Variants in RNF24 observed in about 807,000 individuals in gnomAD.
RNF24 encodes ring finger protein 24.
A neutral mutation model predicts 20.0 loss-of-function variants in RNF24; 14 were observed. That is an observed-to-expected ratio of 0.70 (90% confidence interval 0.46 to 1.10). RNF24 has a LOEUF of 1.10. RNF24 is among the 50% of genes least tolerant of loss of function. The probability of loss-of-function intolerance (pLI) is 0.00; values close to 1 mark genes in which losing one functional copy is unlikely to be tolerated. For synonymous variants in RNF24, 45 were observed against 61.1 expected (o/e 0.74, Z 1.23); for missense variants, 124 against 177.6 (o/e 0.70, Z 1.71).
intron 1 of RNF24, among the ~76,000 whole-genome samples, chr20:3,993,650 T>A (rs1980636024): frequency 2.0e-5 from 3 of 152,156 alleles, no homozygotes; most frequent in Admixed American, 2.0e-4. Context: ...TGGACCTTGA[T>A]AAGCCTGGAC....
At chr20:3,982,103 G>GTCTCTCTTTCTCTCTCTCTC (rs1555799857) in intron 1 of RNF24, among the ~76,000 whole-genome samples, 6 of 137,026 alleles carry the variant, frequency 4.4e-5, no homozygotes, top group African/African-American at 1.7e-4. Context: ...GTGAGACCTC[G>GTCTCTCTTTCTCTCTCTCTC]TCTCTCTCTC....
At chr20:3,973,517 AAAAAAAAAG>A (rs1213354445) in intron 1 of RNF24, among the ~76,000 whole-genome samples, 3 of 150,632 alleles carry the variant, frequency 2.0e-5, no homozygotes, top group African/African-American at 4.8e-5. Flanking sequence ...AAAAAAAAAA[AAAAAAAAAG>A]AGAAGACACA....
intron 2 of RNF24, among the ~76,000 whole-genome samples, chr20:3,962,687 T>C (rs902985333): frequency 4.0e-5 from 6 of 151,630 alleles, no homozygotes; most frequent in African/African-American, 1.2e-4. Flanking sequence ...TATATCCCAT[T>C]GTCCTAGAAC....
At chr20:3,953,355 A>G (rs1013024984) in intron 2 of RNF24, among the ~76,000 whole-genome samples, 2 of 148,692 alleles carry the variant, frequency 1.3e-5, no homozygotes, top group East Asian at 2.0e-4. Flanking sequence ...AGGTTTCACC[A>G]TATTAGCCAG....
intron 2 of RNF24, among the ~76,000 whole-genome samples, chr20:3,962,124 G>A (rs1401359699): frequency 1.3e-5 from 2 of 152,066 alleles, no homozygotes; most frequent in South Asian, 2.1e-4. Context: ...AGGTTGAGGC[G>A]GGTGGATTGC....
chr20:3,982,112 T>G (rs954253895), intron 1 of RNF24, among the ~76,000 whole-genome samples: 1 of 149,314 alleles, frequency 6.7e-6, no homozygotes, highest in Non-Finnish European at 1.5e-5. Flanking sequence ...CGTCTCTCTC[T>G]CTCTCTCTCT....
chr20:4,005,915 A>T (rs748982679), intron 1 of RNF24, among the ~76,000 whole-genome samples: 24 of 152,222 alleles, frequency 1.6e-4, no homozygotes, highest in Non-Finnish European at 3.1e-4. Flanking sequence ...TTCTTACAGT[A>T]TGATATTTGC....
At position 3,932,794 on chromosome 20, in the gene RNF24, A is replaced by G; in HGVS notation, c.*1269T>C. The stretch of plus-strand genomic sequence containing the variant: ...TTCCATCTGACCTGCTACTTTCCAT[A>G]GCTAATTTATACAATATTCACAAAT... On this transcript the variant is annotated 3_prime_UTR_variant, in exon 6 of 6. Coordinates refer to ENST00000358395, the MANE Select transcript of RNF24 (RefSeq NM_001134337.3). The G allele has an allele frequency of 2.5e-6, 1 of 397,718 alleles. No homozygotes were observed. Among genetic ancestry groups the G allele is most frequent in the Non-Finnish European group, 4.4e-6 (1 of 225,994 alleles). 24.6% of individuals were successfully genotyped at this position (397,718 alleles called of 1,614,324 possible). A position where few individuals can be genotyped will look rare whatever the true frequency, so the allele number is the denominator to read the frequency against.
chr20:3,968,907 A>G (rs1289627181), intron 1 of RNF24, among the ~76,000 whole-genome samples: 3 of 146,158 alleles, frequency 2.1e-5, no homozygotes, highest in African/African-American at 7.7e-5. Context: ...TAAGTTTCCA[A>G]AAAAAAAAAG....
chr20:3,935,776 T>C (rs771198660), intron 4 of RNF24, among the ~76,000 whole-genome samples: 1 of 152,236 alleles, frequency 6.6e-6, no homozygotes, highest in Admixed American at 6.5e-5. Flanking sequence ...GTGGATACCA[T>C]GTGTCACCAC....
intron 1 of RNF24, among the ~76,000 whole-genome samples, chr20:3,997,614 T>C (rs1477508465): frequency 6.6e-6 from 1 of 151,924 alleles, no homozygotes; most frequent in East Asian, 1.9e-4. Flanking sequence ...TTTCCACAGA[T>C]GGGGTTTCCC....
chr20:3,974,453 G>A, intron 1 of RNF24: 1 of 1,444,358 alleles, frequency 6.9e-7, no homozygotes. Context: ...ACATCAGAAA[G>A]GAAGAAATTA....
chr20:4,015,272 G>T (rs1982800398), intron 1 of RNF24, 165 bp downstream of exon 1: 1 of 151,890 alleles, frequency 6.6e-6, no homozygotes, highest in South Asian at 2.1e-4. Flanking sequence ...CCTCACCCCT[G>T]CACACCGCGC....
chr20:3,998,558 G>C (rs1342493632), intron 1 of RNF24, among the ~76,000 whole-genome samples: 3 of 107,356 alleles, frequency 2.8e-5, no homozygotes, highest in Middle Eastern at 0.013. Context: ...CTGGGCAACA[G>C]AGCGAGACTC....
intron 1 of RNF24, among the ~76,000 whole-genome samples, chr20:3,991,325 T>C (rs1980421136): frequency 6.7e-6 from 1 of 148,740 alleles, no homozygotes; most frequent in Admixed American, 6.8e-5. Flanking sequence ...CATCTTGGCT[T>C]ACTGCAACCT....
At chr20:3,977,118 G>C (rs1978933830) in intron 1 of RNF24, among the ~76,000 whole-genome samples, 1 of 152,034 alleles carries the variant, frequency 6.6e-6, no homozygotes, top group African/African-American at 2.4e-5. Flanking sequence ...AAAAAAGAAA[G>C]AAGGAAAAAG....
chr20:4,007,834 T>G (rs913629384), intron 1 of RNF24, among the ~76,000 whole-genome samples: 1 of 151,698 alleles, frequency 6.6e-6, no homozygotes, highest in African/African-American at 2.4e-5. Context: ...GAGGATTGTT[T>G]GAGCCCTGGA....
chr20:3,937,477 A>G (rs1484641389), intron 4 of RNF24, among the ~76,000 whole-genome samples: 1 of 152,202 alleles, frequency 6.6e-6, no homozygotes, highest in Admixed American at 6.5e-5. Context: ...TCCTTTAAGT[A>G]ACAGTACAAT....
At chr20:3,992,524 C>CTT (rs35424913) in intron 1 of RNF24, among the ~76,000 whole-genome samples, 28 of 143,950 alleles carry the variant, frequency 1.9e-4, no homozygotes, top group South Asian at 4.4e-4. Flanking sequence ...AGTATTTTGT[C>CTT]TTTTTTTTTT....
Sources: gnomAD v4.1 joint callset for allele counts (sites outside exome capture counted in the v4.1 genomes callset) on GRCh38, gnomAD v4.1.1 for gene constraint, MANE v1.5 for transcripts, NCBI Gene and HGNC (gene_info 2026-07-23, HGNC 2026-07-21) for gene names.